Variants in IFNGR2 observed in about 807,000 individuals in gnomAD.
IFNGR2 encodes the protein interferon gamma receptor 2.
A neutral mutation model predicts 41.1 loss-of-function variants in IFNGR2; 15 were observed. The ratio of observed to expected loss-of-function variants is 0.37; its 90% CI spans 0.24 to 0.56. The LOEUF (loss-of-function observed/expected upper bound fraction) is 0.56, where lower values mean the gene tolerates loss of function less well. Ranked by LOEUF, IFNGR2 falls within the 20% of genes least tolerant of loss-of-function variation. The pLI, the probability that IFNGR2 is intolerant of heterozygous loss-of-function variation, is 0.81. For missense variants in IFNGR2, 362 were observed against 415.7 expected (o/e 0.87, Z 1.12); for synonymous variants, 161 against 171.6 (o/e 0.94, Z 0.48).
At chr21:33,412,850 C>T (rs573098366) in intron 1 of IFNGR2, among the ~76,000 whole-genome samples, 2 of 152,178 alleles carry the variant, frequency 1.3e-5, no homozygotes, top group East Asian at 1.9e-4. Flanking sequence ...CCACTGTGCC[C>T]GGCCAGGAGT....
At chr21:33,412,912 T>G (rs1474250476) in intron 1 of IFNGR2, among the ~76,000 whole-genome samples, 2 of 152,182 alleles carry the variant, frequency 1.3e-5, no homozygotes, top group African/African-American at 2.4e-5. Context: ...TGCCTTAGAC[T>G]CTCCAATAAA....
At chr21:33,405,936 C>T (rs1043485983) in intron 1 of IFNGR2, among the ~76,000 whole-genome samples, 1 of 151,700 alleles carries the variant, frequency 6.6e-6, no homozygotes, top group Non-Finnish European at 1.5e-5. Flanking sequence ...AGGCTGAAGC[C>T]GAAGAATCAC....
intron 1 of IFNGR2, among the ~76,000 whole-genome samples, chr21:33,404,867 C>A (rs956597050): frequency 2.6e-5 from 4 of 152,188 alleles, no homozygotes; most frequent in African/African-American, 9.7e-5. Context: ...GTGGCTCACG[C>A]CTGTAATCCC....
At chr21:33,436,724 AAAAAAT>A (rs923330566) in intron 6 of IFNGR2, 98 bp from the exon 7 acceptor site, 35 of 975,422 alleles carry the variant, frequency 3.6e-5, no homozygotes, top group East Asian at 3.5e-4. Flanking sequence ...CATCTCAAAA[AAAAAAT>A]AAAAATAAAA....
At chr21:33,430,330 C>T (rs1281870584) in intron 4 of IFNGR2, among the ~76,000 whole-genome samples, 3 of 152,214 alleles carry the variant, frequency 2.0e-5, no homozygotes, top group South Asian at 2.1e-4. Flanking sequence ...TCCTTAAAAT[C>T]GTGTCTTCCT....
chr21:33,417,774 A>G (rs1197658169), intron 2 of IFNGR2, among the ~76,000 whole-genome samples: 1 of 152,138 alleles, frequency 6.6e-6, no homozygotes, highest in African/African-American at 2.4e-5. Context: ...GCTTGTTGTG[A>G]GAGTCACGGC....
intron 1 of IFNGR2, among the ~76,000 whole-genome samples, chr21:33,406,221 C>G (rs17879003): frequency 6.6e-6 from 1 of 151,470 alleles, no homozygotes; most frequent in African/African-American, 2.4e-5. Context: ...ACTAAAACTA[C>G]GAAAATTACC....
rs550976719 is a variant in IFNGR2, at chr21:33,436,680, C to T, written c.880-148C>T. 4.9e-6 allele frequency: 3 copies of T among 613,592 alleles called. No homozygotes were observed. The South Asian group carries it at 6.3e-5, about 13-fold the overall frequency. The allele number at this position is 613,592 out of a possible 1,614,324, so 38.0% of individuals were successfully genotyped here. On this transcript the variant is annotated intron_variant, in intron 6 of 6. Coordinates refer to ENST00000290219, the MANE Select transcript of IFNGR2 (RefSeq NM_005534.4). ...GAGGTTGCAGTGAGCTGAGATCACA[C>T]CACTATACTCCAGCCTAGGCAAGAG...
At chr21:33,418,217 C>T (rs934340871) in intron 2 of IFNGR2, among the ~76,000 whole-genome samples, 69 of 152,120 alleles carry the variant, frequency 4.5e-4, no homozygotes, top group African/African-American at 1.5e-3. Context: ...CCACTACGCC[C>T]GGCTGATTTT....
intron 4 of IFNGR2, among the ~76,000 whole-genome samples, chr21:33,429,136 G>A (rs1372048594): frequency 6.6e-6 from 1 of 152,176 alleles, no homozygotes; most frequent in Non-Finnish European, 1.5e-5. Flanking sequence ...CTGTGAAGAG[G>A]AGCAGCCGTG....
chr21:33,409,992 A>AT (rs887768247), intron 1 of IFNGR2, among the ~76,000 whole-genome samples: 15 of 150,474 alleles, frequency 1.0e-4, no homozygotes, highest in African/African-American at 2.2e-4. Context: ...AATAAGCTTC[A>AT]TTTTTTTTTG....
chr21:33,406,420 C>G (rs1016188933), intron 1 of IFNGR2, among the ~76,000 whole-genome samples: 1 of 151,920 alleles, frequency 6.6e-6, no homozygotes, highest in Non-Finnish European at 1.5e-5. Context: ...GTGCTTTAAA[C>G]TAATCTCTAT....
rs121913208 is a variant in IFNGR2 at position 33,426,937 on chromosome 21, A to C, written c.466A>C (p.Ile156Leu). Residue 156 changes from isoleucine (I) to leucine (L), a missense_variant, in exon 4 of 7, where the codon ATC becomes CTC. Transcript: ENST00000290219. ...IEVTPGEGSL[I>L]IRFSSPFDIA... ...GGTGACCCCAGGAGAAGGCTCCCTCATCATCAGGTTCTCCTCTCCCTTTGA... is the reference window on the plus strand; with the variant it reads ...GGTGACCCCAGGAGAAGGCTCCCTCCTCATCAGGTTCTCCTCTCCCTTTGA... The C allele has an allele frequency of 2.5e-3, 3,986 of 1,613,620 alleles. 8 individuals carry two copies. Among genetic ancestry groups the C allele is most frequent in the Non-Finnish European group, 2.6e-3 (3,024 of 1,179,708 alleles).
chr21:33,405,759 G>C lies in IFNGR2; in HGVS notation c.73+2143G>C, dbSNP rs375899177. 1.2e-4 allele frequency among the ~76,000 whole-genome samples: 18 copies of C among 152,278 alleles called. No individual in the cohort carries two copies. The East Asian group carries it at 2.9e-3, about 24-fold the overall frequency. On this transcript the variant is annotated intron_variant, in intron 1 of 6. Transcript: ENST00000290219. ...AATTTTAAAAAGTGAGGCCAGGCTCGGTGGCTCACACCTGTAATCCCAGCA... is the reference window on the plus strand; with the variant it reads ...AATTTTAAAAAGTGAGGCCAGGCTCCGTGGCTCACACCTGTAATCCCAGCA...
chr21:33,412,137 G>C (rs886254369), intron 1 of IFNGR2, among the ~76,000 whole-genome samples: 2 of 152,074 alleles, frequency 1.3e-5, no homozygotes, highest in African/African-American at 4.8e-5. Flanking sequence ...GTGTTACAGT[G>C]ATAAGAAGAA....
At position 33,437,051 on chromosome 21, in the gene IFNGR2, G is replaced by C; in HGVS notation, c.*89G>C. ...TTCTGTCTGGACTTTCCAGAGACCAGTATTCCCTTTTGCTGCCTCTAAAAG... is the reference window on the plus strand; with the variant it reads ...TTCTGTCTGGACTTTCCAGAGACCACTATTCCCTTTTGCTGCCTCTAAAAG... On this transcript the variant is annotated 3_prime_UTR_variant, in exon 7 of 7. Transcript: ENST00000290219. The C allele has an allele frequency of 7.0e-7, 1 of 1,421,186 alleles. No homozygotes were observed. The highest frequency in any genetic ancestry group is 9.9e-7 in the Non-Finnish European group (1 of 1,012,832). 88.0% of individuals were successfully genotyped at this position (1,421,186 alleles called of 1,614,324 possible).
intron 6 of IFNGR2, among the ~76,000 whole-genome samples, chr21:33,434,034 C>T (rs2083918364): frequency 6.6e-6 from 1 of 151,992 alleles, no homozygotes. Context: ...GTGCCAGGCC[C>T]CGTGTACCCA....
chr21:33,420,826 T>A (rs17882526), intron 2 of IFNGR2, among the ~76,000 whole-genome samples: 10 of 146,226 alleles, frequency 6.8e-5, no homozygotes, highest in African/African-American at 2.5e-4. Context: ...GCAGGAGGAT[T>A]ACTTGAGTCT....
chr21:33,415,051 G>A (rs201150401), intron 2 of IFNGR2, 31 bp downstream of exon 2: 1 of 1,613,276 alleles, frequency 6.2e-7, no homozygotes, highest in East Asian at 2.2e-5. Flanking sequence ...GATCCTTGCT[G>A]GGAGCTGTGG....
Sources: allele counts gnomAD v4.1 joint callset (sites outside exome capture counted in the v4.1 genomes callset), GRCh38; gene constraint gnomAD v4.1.1; transcripts MANE v1.5; gene names NCBI Gene and HGNC (gene_info 2026-07-23, HGNC 2026-07-21).